COG5: variants seen among roughly 807,000 people sequenced by gnomAD.
The protein encoded by COG5 is component of oligomeric golgi complex 5.
In COG5, 86 loss-of-function variants were observed where a neutral mutation model predicts 110.4. The observed-to-expected ratio is 0.78, with a 90% confidence interval of 0.65 to 0.93. The LOEUF (loss-of-function observed/expected upper bound fraction) is 0.93, where lower values mean the gene tolerates loss of function less well. Ranked by LOEUF, COG5 falls within the 40% of genes least tolerant of loss-of-function variation. The probability of loss-of-function intolerance (pLI) is 0.00; values close to 1 mark genes in which losing one functional copy is unlikely to be tolerated. For missense variants in COG5, 1,077 were observed against 987.0 expected, an observed-to-expected ratio of 1.09 and a Z score of -1.22; for synonymous variants, 360 against 334.6, an observed-to-expected ratio of 1.08 and a Z score of -0.83.
intron 7 of COG5, among the ~76,000 whole-genome samples, chr7:107,400,955 G>A (rs1791378640): frequency 1.3e-5 from 2 of 152,168 alleles, no homozygotes; most frequent in East Asian, 1.9e-4. Flanking sequence ...AAAAAGAGTA[G>A]GAGAAAAGAA....
rs1798380607 is a variant in COG5 at position 107,202,195 on chromosome 7, G to GTATC, written c.*1317_*1320dup. The GTATC allele has an allele frequency of 6.6e-6, 1 of 152,602 alleles. No homozygotes were observed. Among genetic ancestry groups the GTATC allele is most frequent in the South Asian group, 2.1e-4 (1 of 4,832 alleles). The allele number at this position is 152,602 out of a possible 1,614,324, so 9.5% of individuals were successfully genotyped here. On this transcript the variant is annotated 3_prime_UTR_variant, in exon 22 of 22. Coordinates refer to ENST00000297135, the MANE Select transcript of COG5 (RefSeq NM_006348.5). ...ATTGTATTTTTTAACTTCGTGTTCTGTATCTCCTCAGCCATGTATCTTAAA... is the reference window on the plus strand; with the variant it reads ...ATTGTATTTTTTAACTTCGTGTTCTGTATCTATCTCCTCAGCCATGTATCTTAAA...
intron 7 of COG5, among the ~76,000 whole-genome samples, chr7:107,410,697 C>T (rs1222883318): frequency 6.6e-6 from 1 of 152,096 alleles, no homozygotes; most frequent in Non-Finnish European, 1.5e-5. Context: ...CCGCCTTGGC[C>T]TCCCAAAGTG....
chr7:107,371,055 T>TA (rs1361913516), intron 8 of COG5, among the ~76,000 whole-genome samples: 2 of 152,074 alleles, frequency 1.3e-5, no homozygotes, highest in African/African-American at 4.8e-5. Context: ...CCTGGAAATT[T>TA]AAACATTATA....
chr7:107,288,515 T>G (rs932095820), intron 12 of COG5, among the ~76,000 whole-genome samples: 5 of 152,126 alleles, frequency 3.3e-5, no homozygotes, highest in African/African-American at 1.2e-4. Flanking sequence ...CTAGGGGGCG[T>G]GACATAGTGG....
At chr7:107,353,007 CA>C (rs1812301412) in intron 10 of COG5, among the ~76,000 whole-genome samples, 1 of 152,136 alleles carries the variant, frequency 6.6e-6, no homozygotes, top group Non-Finnish European at 1.5e-5. Context: ...GGTGATTAGA[CA>C]GTGATAATAA....
intron 3 of COG5, among the ~76,000 whole-genome samples, chr7:107,551,112 G>A (rs1459635834): frequency 1.3e-5 from 2 of 151,764 alleles, no homozygotes; most frequent in African/African-American, 4.8e-5. Flanking sequence ...GCATGATCTC[G>A]GCTCACTGCA....
chr7:107,382,076 G>C (rs1815171548), intron 7 of COG5, among the ~76,000 whole-genome samples: 1 of 152,208 alleles, frequency 6.6e-6, no homozygotes. Context: ...TTCTCTTTAA[G>C]GGGTCAGTCG....
chr7:107,345,135 A>G (rs1811487763), intron 10 of COG5, among the ~76,000 whole-genome samples: 1 of 152,026 alleles, frequency 6.6e-6, no homozygotes, highest in Non-Finnish European at 1.5e-5. Flanking sequence ...GGTTGGGAGA[A>G]TGGCCAGTTG....
chr7:107,430,564 C>G (rs1241202843), intron 6 of COG5, among the ~76,000 whole-genome samples: 1 of 152,052 alleles, frequency 6.6e-6, no homozygotes, highest in Non-Finnish European at 1.5e-5. Flanking sequence ...TTTGGCTATT[C>G]TTTTTAGAAT....
chr7:107,262,796 C>T (rs1803465997), intron 14 of COG5, among the ~76,000 whole-genome samples: 1 of 152,094 alleles, frequency 6.6e-6, no homozygotes, highest in Non-Finnish European at 1.5e-5. Context: ...AACTCCTGTT[C>T]CCAGAATGTC....
At chr7:107,264,678 T>C (rs191897992) in intron 14 of COG5, among the ~76,000 whole-genome samples, 1 of 152,064 alleles carries the variant, frequency 6.6e-6, no homozygotes, top group Non-Finnish European at 1.5e-5. Flanking sequence ...GAGCGACAGA[T>C]CCAGATCCTG....
intron 19 of COG5, among the ~76,000 whole-genome samples, chr7:107,217,643 T>C (rs572972695): frequency 8.5e-5 from 13 of 152,216 alleles, no homozygotes; most frequent in African/African-American, 2.6e-4. Flanking sequence ...ACAAAAACCA[T>C]ATGATCATTT....
At chr7:107,443,414 T>C (rs1391225628) in intron 6 of COG5, among the ~76,000 whole-genome samples, 2 of 152,116 alleles carry the variant, frequency 1.3e-5, no homozygotes, top group East Asian at 3.8e-4. Flanking sequence ...CGGGGAATAA[T>C]AAAAATCTAC....
chr7:107,229,471 T>C (rs1800608918), intron 19 of COG5, among the ~76,000 whole-genome samples: 3 of 152,104 alleles, frequency 2.0e-5, no homozygotes, highest in Admixed American at 1.3e-4. Flanking sequence ...TCTTCTTCTG[T>C]TTGTGCTATG....
At chr7:107,449,452 AT>A (rs958330700) in intron 6 of COG5, among the ~76,000 whole-genome samples, 2 of 152,218 alleles carry the variant, frequency 1.3e-5, no homozygotes, top group African/African-American at 4.8e-5. Flanking sequence ...TGTTACAATT[AT>A]CCCCTTAAAT....
intron 17 of COG5, among the ~76,000 whole-genome samples, chr7:107,243,244 TG>T (rs1429779534): frequency 6.6e-6 from 1 of 152,144 alleles, no homozygotes; most frequent in African/African-American, 2.4e-5. Flanking sequence ...CCTGGGGCGG[TG>T]GCTCACGCCT....
rs768132534 is a variant in COG5 at position 107,298,201 on chromosome 7, G to A, written c.1254C>T (p.Asp418=). ...NASGTTDLYV[D]LQHMEDDAQD... is the part of the protein sequence containing the mutation. ...GTGCATCATCTTCCATGTGTTGTAG[G>A]TCAACATAGAGGTCTGTAGTTCCAC... Residue 418 remains aspartate, a synonymous_variant, in exon 12 of 22, where the codon GAC becomes GAT. Transcript: ENST00000297135. 3 of 1,613,340 alleles carry A rather than the reference G, an allele frequency of 1.9e-6. No homozygotes were observed. Among genetic ancestry groups the A allele is most frequent in the Non-Finnish European group, 2.5e-6 (3 of 1,179,572 alleles).
At chr7:107,332,911 CAA>C (rs1429784970) in intron 10 of COG5, among the ~76,000 whole-genome samples, 2 of 151,960 alleles carry the variant, frequency 1.3e-5, no homozygotes, top group African/African-American at 4.8e-5. Context: ...AATCAAAAAA[CAA>C]AAGTGAAAAC....
chr7:107,272,209 A>G (rs1386649906), intron 14 of COG5, among the ~76,000 whole-genome samples: 1 of 152,192 alleles, frequency 6.6e-6, no homozygotes, highest in East Asian at 1.9e-4. Context: ...CTCCCATTCT[A>G]TTCAGAGTCA....
Sources: allele counts gnomAD v4.1 joint callset (sites outside exome capture counted in the v4.1 genomes callset), GRCh38; gene constraint gnomAD v4.1.1; transcripts MANE v1.5; gene names NCBI Gene and HGNC (gene_info 2026-07-23, HGNC 2026-07-21).